DCC: variants seen among roughly 807,000 people sequenced by gnomAD.
DCC encodes DCC netrin 1 receptor.
A neutral mutation model predicts 172.5 loss-of-function variants in DCC; 58 were observed. The observed-to-expected ratio is 0.34, with a 90% CI of 0.27 to 0.42. DCC has a LOEUF of 0.42. DCC is among the 10% of genes least tolerant of loss of function. The pLI is 1.00. For synonymous variants in DCC, 709 were observed against 644.5 expected (o/e 1.10, Z -1.52); for missense variants, 1,740 against 1,791.0 (o/e 0.97, Z 0.51).
chr18:53,170,458 G>A (rs1018231421), intron 8 of DCC, among the ~76,000 whole-genome samples: 11 of 152,228 alleles, frequency 7.2e-5, no homozygotes, highest in Non-Finnish European at 1.5e-4. Context: ...AAGCCCCAAT[G>A]TCAGGGAAAC....
In DCC at chr18:52,730,166, T is replaced by C. The variant is rs138889456; in HGVS notation, c.92-21888T>C. ...GAGGGCAGTGGTTCTCAACTGGGGATGATTTTGCCCCTCCCACACCAGAGA... is the reference window on the plus strand; with the variant it reads ...GAGGGCAGTGGTTCTCAACTGGGGACGATTTTGCCCCTCCCACACCAGAGA... On this transcript the variant is annotated intron_variant, in intron 1 of 28. Coordinates refer to ENST00000442544, the MANE Select transcript of DCC (RefSeq NM_005215.4). 7.3e-3 allele frequency among the ~76,000 whole-genome samples: 1,108 copies of C among 152,252 alleles called. 10 individuals carry two copies. The highest frequency in any genetic ancestry group is 0.026 in the African/African-American group (1,076 of 41,542).
At chr18:53,141,604 T>C (rs1295763064) in intron 7 of DCC, among the ~76,000 whole-genome samples, 2 of 152,198 alleles carry the variant, frequency 1.3e-5, no homozygotes, top group Admixed American at 1.3e-4. Context: ...GTGTAAGATT[T>C]TGGAAACACT....
intron 5 of DCC, among the ~76,000 whole-genome samples, chr18:52,982,905 C>T (rs1176592062): frequency 6.6e-6 from 1 of 152,158 alleles, no homozygotes; most frequent in Non-Finnish European, 1.5e-5. Flanking sequence ...AACTTTCACC[C>T]TCTTCTTCTC....
At chr18:52,818,076 A>G (rs895970141) in intron 2 of DCC, 7 of 152,110 alleles carry the variant, frequency 4.6e-5, no homozygotes, top group African/African-American at 1.7e-4. Context: ...TAGAATTCTT[A>G]TTTATGCCTA....
chr18:53,006,502 T>C (rs548522793), intron 5 of DCC, among the ~76,000 whole-genome samples: 1 of 152,306 alleles, frequency 6.6e-6, no homozygotes, highest in East Asian at 1.9e-4. Context: ...GTGATAGAAA[T>C]ATTTCCTGGG....
chr18:53,520,751 T>A (rs1446177183), intron 27 of DCC, among the ~76,000 whole-genome samples: 1 of 152,096 alleles, frequency 6.6e-6, no homozygotes, highest in Non-Finnish European at 1.5e-5. Flanking sequence ...GATGTTTTCA[T>A]GGAAATCTTG....
rs563526654 is a variant in DCC at position 52,351,150 on chromosome 18, C to T, written c.91+10272C>T. Among the ~76,000 whole-genome samples the T allele has an allele frequency of 1.3e-4, 19 of 144,614 alleles. No individual in the cohort carries two copies. The East Asian group carries it at 2.4e-3, about 19-fold the overall frequency. 94.9% of individuals were successfully genotyped at this position (144,614 alleles called of 152,430 possible). A position where few individuals can be genotyped will look rare whatever the true frequency, so the allele number is the denominator to read the frequency against. Reference sequence around the variant, plus strand: ...GAAGGGGATATTTAGGAGGGGCAGACGAGAGAATATCAGGTAAAAAAAAGT... The same window carrying T: ...GAAGGGGATATTTAGGAGGGGCAGATGAGAGAATATCAGGTAAAAAAAAGT... On this transcript the variant is annotated intron_variant, in intron 1 of 28. Transcript: ENST00000442544.
At chr18:53,178,865 C>T (rs772830624) in intron 8 of DCC, 97 bp from the exon 9 acceptor site, 1 of 1,304,992 alleles carries the variant, frequency 7.7e-7, no homozygotes, top group Admixed American at 1.8e-5. Context: ...AGTGAGCAAC[C>T]TTTTGGTTCA....
At chr18:52,817,999 G>GT (rs1459775658) in intron 2 of DCC, 6 of 152,166 alleles carry the variant, frequency 3.9e-5, no homozygotes, top group Non-Finnish European at 7.3e-5. Context: ...ACATGTCATT[G>GT]TTTTGAAGAG....
At chr18:52,732,446 T>C (rs768182060) in intron 1 of DCC, among the ~76,000 whole-genome samples, 3 of 152,224 alleles carry the variant, frequency 2.0e-5, no homozygotes, top group Non-Finnish European at 2.9e-5. Flanking sequence ...TATTACGTTA[T>C]GTGACTTCAT....
chr18:52,586,093 A>AAC (rs1175660843), intron 1 of DCC, among the ~76,000 whole-genome samples: 2 of 148,568 alleles, frequency 1.3e-5, no homozygotes, highest in Middle Eastern at 3.4e-3. Flanking sequence ...AAAAAAAAAA[A>AAC]AAAAAAAAAA....
At chr18:53,179,228 T>A in intron 9 of DCC, 112 bp downstream of exon 9, 1 of 1,084,248 alleles carries the variant, frequency 9.2e-7, no homozygotes, top group Non-Finnish European at 1.4e-6. Flanking sequence ...GAAGAGTTTT[T>A]TTTCTTCTAA....
At chr18:52,878,965 G>A (rs1390802405) in intron 2 of DCC, among the ~76,000 whole-genome samples, 1 of 152,134 alleles carries the variant, frequency 6.6e-6, no homozygotes, top group African/African-American at 2.4e-5. Context: ...CCTATCTTGA[G>A]GTTATTTCAC....
At chr18:52,975,939 C>T (rs1337961916) in intron 5 of DCC, among the ~76,000 whole-genome samples, 3 of 152,130 alleles carry the variant, frequency 2.0e-5, no homozygotes, top group Non-Finnish European at 4.4e-5. Context: ...ACCACGCTGT[C>T]CTTCACAATG....
intron 7 of DCC, among the ~76,000 whole-genome samples, chr18:53,087,973 G>T (rs957187288): frequency 9.2e-5 from 14 of 151,942 alleles, no homozygotes; most frequent in Admixed American, 6.6e-4. Context: ...TCTCTGTTTT[G>T]GTACCAGTAC....
chr18:53,513,299 A>AGCC lies in DCC; in HGVS notation c.4112-13318_4112-13317insGCC, dbSNP rs987215713. On this transcript the variant is annotated intron_variant, in intron 27 of 28. Transcript: ENST00000442544. The stretch of plus-strand genomic sequence containing the variant: ...TCACCACCAGGCCTGCCCTAAAAGA[A>AGCC]CTCCTGAAGGAAGCGCTAAACATGG... 2.2e-3 allele frequency among the ~76,000 whole-genome samples: 335 copies of AGCC among 152,232 alleles called. 3 individuals are homozygous for AGCC. The highest frequency in any genetic ancestry group is 7.9e-3 in the African/African-American group (328 of 41,540).
intron 1 of DCC, among the ~76,000 whole-genome samples, chr18:52,526,025 G>A (rs2031970857): frequency 1.3e-5 from 2 of 152,086 alleles, no homozygotes; most frequent in South Asian, 4.1e-4. Context: ...ATATAATAAT[G>A]ACTCCTAACT....
intron 2 of DCC, among the ~76,000 whole-genome samples, chr18:52,815,339 C>T (rs190898226): frequency 4.5e-4 from 68 of 151,954 alleles, no homozygotes; most frequent in African/African-American, 1.4e-3. Context: ...GTCCCTAATC[C>T]GATAGGTCCA....
At chr18:52,408,577 T>G (rs1986736190) in intron 1 of DCC, among the ~76,000 whole-genome samples, 1 of 152,072 alleles carries the variant, frequency 6.6e-6, no homozygotes, top group African/African-American at 2.4e-5. Context: ...TTTTAGATAT[T>G]TAGTTCATAT....
Sources: gnomAD v4.1 joint callset for allele counts (sites outside exome capture counted in the v4.1 genomes callset) on GRCh38, gnomAD v4.1.1 for gene constraint, MANE v1.5 for transcripts, NCBI Gene and HGNC (gene_info 2026-07-23, HGNC 2026-07-21) for gene names.